SYNE2: variants seen among roughly 807,000 people sequenced by gnomAD.
SYNE2 encodes spectrin repeat containing nuclear envelope protein 2.
In SYNE2, 431 loss-of-function variants were observed where a neutral mutation model predicts 856.3. The ratio of observed to expected loss-of-function variants is 0.50; its 90% confidence interval spans 0.47 to 0.55. SYNE2 has a LOEUF of 0.55. Ranked by LOEUF, SYNE2 falls within the 20% of genes least tolerant of loss-of-function variation. The pLI is 0.00. For synonymous variants in SYNE2, 2,923 were observed against 2,872.3 expected, an observed-to-expected ratio of 1.02 and a Z score of -0.56; for missense variants, 8,129 against 8,023.2, an observed-to-expected ratio of 1.01 and a Z score of -0.50.
rs886042291 is a variant in SYNE2, at chr14:64,126,637, A to C, written c.13747A>C (p.Ser4583Arg). ...LELKKLYLAL[S>R]DKKGDLLKAM... Reference sequence around the variant, plus strand: ...GTTGAAGAAACTTTATTTAGCGCTAAGTGACAAGAAGGGTGATCTTTTGAA... The same window carrying C: ...GTTGAAGAAACTTTATTTAGCGCTACGTGACAAGAAGGGTGATCTTTTGAA... Residue 4583 changes from serine to arginine, a missense_variant, in exon 73 of 116, where the codon AGT becomes CGT. This residue lies in a region of SYNE2 where 5,410 missense variants were observed against 5,284.8 expected (regional missense o/e 1.02). Transcript: ENST00000555002. 3.1e-6 allele frequency: 5 copies of C among 1,614,192 alleles called. No individual in the cohort carries two copies. Among genetic ancestry groups the C allele is most frequent in the Non-Finnish European group, 4.2e-6 (5 of 1,180,034 alleles).
chr14:63,943,780 C>T (rs898545703), intron 6 of SYNE2, among the ~76,000 whole-genome samples: 1 of 151,696 alleles, frequency 6.6e-6, no homozygotes, highest in Non-Finnish European at 1.5e-5. Flanking sequence ...AAGAGGTTCT[C>T]CTGCCTCAGC....
intron 1 of SYNE2, among the ~76,000 whole-genome samples, chr14:63,814,487 A>ATATAATATATATCCT (rs1459813019): frequency 7.0e-6 from 1 of 142,582 alleles, no homozygotes; most frequent in Admixed American, 7.3e-5. Flanking sequence ...ATATATCCTT[A>ATATAATATATATCCT]TATATATCCA....
intron 66 of SYNE2, among the ~76,000 whole-genome samples, chr14:64,118,834 C>T (rs1333923465): frequency 1.3e-5 from 2 of 149,044 alleles, no homozygotes; most frequent in African/African-American, 2.5e-5. Flanking sequence ...GCACTCTATC[C>T]TGGGCAACAG....
At chr14:63,962,882 C>A (rs922551361) in intron 9 of SYNE2, among the ~76,000 whole-genome samples, 6 of 152,144 alleles carry the variant, frequency 3.9e-5, no homozygotes, top group African/African-American at 1.4e-4. Context: ...AGTTTTTCTC[C>A]TTTACTTTCA....
chr14:63,772,471 C>T (rs575885845), intron 1 of SYNE2, among the ~76,000 whole-genome samples: 13 of 151,814 alleles, frequency 8.6e-5, no homozygotes, highest in African/African-American at 2.2e-4. Flanking sequence ...AGGTCAGGCG[C>T]GGTGACTCAC....
At chr14:63,941,484 T>C (rs943221835) in intron 3 of SYNE2, among the ~76,000 whole-genome samples, 1 of 152,234 alleles carries the variant, frequency 6.6e-6, no homozygotes, top group Non-Finnish European at 1.5e-5. Flanking sequence ...GAAAGGGTGT[T>C]GTGTTACAGG....
In SYNE2 at chr14:64,125,059, G is replaced by A. The variant is rs760912947; in HGVS notation, c.13423-20G>A. ...CAGGGTCTAAAACTGTCAGTAATAG[G>A]GTTTTCCTTTGTCAAATAGGTTTCC... On this transcript the variant is annotated intron_variant, in intron 70 of 115. Transcript: ENST00000555002. 5 of 1,613,792 alleles carry A rather than the reference G, an allele frequency of 3.1e-6. No homozygotes were observed. The East Asian group carries it at 6.7e-5, about 22-fold the overall frequency.
chr14:64,208,152 C>A (rs773654613), intron 100 of SYNE2: 1 of 456,086 alleles, frequency 2.2e-6, no homozygotes, highest in South Asian at 1.5e-5. Flanking sequence ...CTCTCCAAGC[C>A]ACCACAGCTT....
At chr14:64,082,293 G>T (rs370963963) in intron 57 of SYNE2, among the ~76,000 whole-genome samples, 8 of 152,218 alleles carry the variant, frequency 5.3e-5, no homozygotes, top group East Asian at 1.9e-4. Context: ...ACTCCCATAA[G>T]TACTTGATTA....
At chr14:64,224,620 G>T (rs746588574) in intron 114 of SYNE2, 73 bp downstream of exon 114, 615 of 1,551,836 alleles carry the variant, frequency 4.0e-4, no homozygotes, top group Non-Finnish European at 5.3e-4. Context: ...GGAAGCTTGG[G>T]ATTCCAAGAG....
At chr14:64,216,090 C>T (rs1373097422) in intron 107 of SYNE2, 158 bp from the exon 108 acceptor site, 2 of 1,523,836 alleles carry the variant, frequency 1.3e-6, no homozygotes, top group Non-Finnish European at 8.8e-7. Flanking sequence ...TTGCATGACT[C>T]ATCTCATTCT....
chr14:64,010,024 A>G lies in SYNE2; in HGVS notation c.4636A>G (p.Ile1546Val), dbSNP rs1171826488. The G allele has an allele frequency of 1.2e-5, 20 of 1,614,000 alleles. No homozygotes were observed. Among genetic ancestry groups the G allele is most frequent in the African/African-American group, 2.7e-5 (2 of 74,934 alleles). Residue 1546 changes from isoleucine (I) to valine (V), a missense_variant, in exon 32 of 116, where the codon ATC (isoleucine) becomes GTC (valine). Physicochemically the swap from Ile to Val is conservative, Grantham distance 29 (BLOSUM62 3). Transcript: ENST00000555002. ...LLKQYQNFKS[I>V]LTTLIQKEES... ...AAAACAATATCAGAATTTTAAAAGCATCTTGACAACTTTGATTCAAAAAGA... is the reference window on the plus strand; with the variant it reads ...AAAACAATATCAGAATTTTAAAAGCGTCTTGACAACTTTGATTCAAAAAGA...
chr14:64,087,646 T>C (rs760509245), intron 57 of SYNE2, 25 bp from the exon 58 acceptor site: 21 of 1,611,104 alleles, frequency 1.3e-5, no homozygotes, highest in Middle Eastern at 1.6e-4. Context: ...TTTCTCTCTA[T>C]TTTTCCCATT....
intron 1 of SYNE2, among the ~76,000 whole-genome samples, chr14:63,827,625 C>CAAAAAAAAAA (rs11334415): frequency 3.9e-3 from 110 of 28,334 alleles, no homozygotes; most frequent in East Asian, 8.3e-3. Context: ...AACTCTGTCT[C>CAAAAAAAAAA]AAAAAAAAAA....
At chr14:64,172,017 A>G (rs2098413554) in intron 94 of SYNE2, among the ~76,000 whole-genome samples, 1 of 151,892 alleles carries the variant, frequency 6.6e-6, no homozygotes, top group South Asian at 2.1e-4. Flanking sequence ...TGCCCAGCTA[A>G]TTTTTGTGTT....
At position 63,983,740 on chromosome 14, in the gene SYNE2, A is replaced by G; in HGVS notation, c.2005A>G (p.Met669Val). The G allele has an allele frequency of 6.2e-7, 1 of 1,611,880 alleles. No homozygotes were observed. The highest frequency in any genetic ancestry group is 8.5e-7 in the Non-Finnish European group (1 of 1,178,328). The change falls in exon 18 of 116, where the codon ATG becomes GTG. Residue 669 changes from methionine to valine, a missense_variant. Met to Val is a conservative substitution (Grantham distance 21). Transcript: ENST00000555002. ...RKLVSKTQLE[M>V]NLPLMIKKQD... is the part of the protein sequence containing the mutation. Reference sequence around the variant, plus strand: ...TTCATGAAATTATTTTGTATAGGAAATGAACCTGCCACTGATGATAAAAAA... The same window carrying G: ...TTCATGAAATTATTTTGTATAGGAAGTGAACCTGCCACTGATGATAAAAAA...
rs773108523 is a variant in SYNE2 at position 64,024,290 on chromosome 14, A to G, written c.5671A>G (p.Ile1891Val). ...GACTCTTGAAGGAAGAAACAGTAAAATAAAGCAGGTGGACAGCGTACTGAA... is the reference window on the plus strand; with the variant it reads ...GACTCTTGAAGGAAGAAACAGTAAAGTAAAGCAGGTGGACAGCGTACTGAA... Reference protein sequence around the residue: ...FLTLEGRNSKIKQVDSVLKHV... With the variant: ...FLTLEGRNSKVKQVDSVLKHV... The change falls in exon 39 of 116, where the codon ATA (isoleucine) becomes GTA (valine). Residue 1891 changes from isoleucine to valine, a missense_variant. Ile to Val is a conservative substitution (Grantham distance 29, BLOSUM62 3). This residue lies in a region of SYNE2 where 2,422 missense variants were observed against 2,357.4 expected (regional missense o/e 1.03). Transcript: ENST00000555002. 6 of 1,614,016 alleles carry G rather than the reference A, an allele frequency of 3.7e-6. No individual in the cohort carries two copies. The African/African-American group carries it at 5.3e-5, about 14-fold the overall frequency.
intron 38 of SYNE2, chr14:64,023,093 C>T (rs2096949456): frequency 2.1e-6 from 1 of 477,328 alleles, no homozygotes; most frequent in Non-Finnish European, 3.8e-6. Flanking sequence ...CTTATCTCTA[C>T]AAAAAATACA....
At chr14:64,172,679 C>T (rs2098416495) in intron 94 of SYNE2, among the ~76,000 whole-genome samples, 1 of 152,104 alleles carries the variant, frequency 6.6e-6, no homozygotes, top group African/African-American at 2.4e-5. Flanking sequence ...TGGCTGAAAT[C>T]CCAACACTTT....
Sources: gnomAD v4.1 joint callset for allele counts (sites outside exome capture counted in the v4.1 genomes callset) on GRCh38, gnomAD v4.1.1 for gene constraint, gnomAD v4.1.1 regional missense constraint, MANE v1.5 for transcripts, NCBI Gene and HGNC (gene_info 2026-07-23, HGNC 2026-07-21) for gene names.